NDRG3: variants seen among roughly 807,000 people sequenced by gnomAD.
The protein encoded by NDRG3 is NDRG family member 3.
In NDRG3, 23 loss-of-function variants were observed where a neutral mutation model predicts 57.2. That is an observed-to-expected ratio of 0.40 (90% CI 0.29 to 0.57). The LOEUF (loss-of-function observed/expected upper bound fraction) is 0.57, where lower values mean the gene tolerates loss of function less well. Ranked by LOEUF, NDRG3 falls within the 20% of genes least tolerant of loss-of-function variation. The pLI is 0.42. For synonymous variants in NDRG3, 132 were observed against 162.6 expected (o/e 0.81, Z 1.43); for missense variants, 384 against 457.3 (o/e 0.84, Z 1.46).
intron 3 of NDRG3, among the ~76,000 whole-genome samples, chr20:36,695,263 G>A (rs998922261): frequency 4.6e-5 from 7 of 152,088 alleles, no homozygotes; most frequent in Non-Finnish European, 2.9e-5. Flanking sequence ...TGATGATTGC[G>A]TTAACTGCAC....
chr20:36,682,627 G>A, intron 6 of NDRG3, 49 bp from the exon 7 acceptor site: 1 of 1,483,974 alleles, frequency 6.7e-7, no homozygotes, highest in Non-Finnish European at 9.4e-7. Flanking sequence ...TCATTTGCAG[G>A]CAGCATTGCA....
At position 36,671,358 on chromosome 20, in the gene NDRG3, C is replaced by G; in HGVS notation, c.571G>C (p.Ala191Pro). The G allele has an allele frequency of 6.2e-7, 1 of 1,613,716 alleles. No homozygotes were observed. The highest frequency in any genetic ancestry group is 8.5e-7 in the Non-Finnish European group (1 of 1,179,764). Reference protein sequence around the residue: ...LTTNVVDIILAHHFGQEELQA... With the variant: ...LTTNVVDIILPHHFGQEELQA... Reference sequence around the variant, plus strand: ...GTACTTACCTGCCCAAAGTGATGAGCCAAAATAATGTCCACAACATTGGTT... The same window carrying G: ...GTACTTACCTGCCCAAAGTGATGAGGCAAAATAATGTCCACAACATTGGTT... Residue 191 changes from alanine to proline, a missense_variant, in exon 9 of 16, where the codon GCT (alanine) becomes CCT (proline). By Grantham distance (27) the Ala-to-Pro change is conservative. Coordinates refer to ENST00000349004, the MANE Select transcript of NDRG3 (RefSeq NM_032013.4).
At chr20:36,681,980 G>A (rs1245250262) in intron 7 of NDRG3, among the ~76,000 whole-genome samples, 1 of 152,138 alleles carries the variant, frequency 6.6e-6, no homozygotes. Context: ...TCACAGGCGT[G>A]AGCCACCGTG....
chr20:36,697,971 T>C (rs1982944967), intron 3 of NDRG3, among the ~76,000 whole-genome samples: 1 of 145,730 alleles, frequency 6.9e-6, no homozygotes, highest in Admixed American at 6.8e-5. Flanking sequence ...TTCTTTTTTT[T>C]TTTTTTTTTT....
chr20:36,654,716 T>C (rs775268264), intron 15 of NDRG3: 11 of 771,662 alleles, frequency 1.4e-5, no homozygotes, highest in Non-Finnish European at 2.4e-5. Flanking sequence ...TCTCACTGCA[T>C]AGGAAGACCG....
At chr20:36,699,212 C>T (rs543890216) in intron 3 of NDRG3, among the ~76,000 whole-genome samples, 168 of 152,158 alleles carry the variant, frequency 1.1e-3, no homozygotes, top group Non-Finnish European at 1.7e-3. Context: ...CCACCCAAAG[C>T]GCTACTACAG....
chr20:36,707,222 C>T (rs1252894005), intron 2 of NDRG3, among the ~76,000 whole-genome samples: 1 of 152,136 alleles, frequency 6.6e-6, no homozygotes, highest in Non-Finnish European at 1.5e-5. Flanking sequence ...CTTTAGTGGG[C>T]TTATGAGAAG....
chr20:36,741,286 G>A (rs938084078), intron 1 of NDRG3, among the ~76,000 whole-genome samples: 12 of 152,090 alleles, frequency 7.9e-5, no homozygotes, highest in African/African-American at 2.9e-4. Context: ...GTGATACCAA[G>A]TAAAGCTGCT....
intron 15 of NDRG3, chr20:36,654,941 G>A: frequency 1.3e-6 from 1 of 743,738 alleles, no homozygotes; most frequent in Non-Finnish European, 2.5e-6. Context: ...CTCTAAGCCA[G>A]GGATAAAATT....
chr20:36,685,672 G>A (rs1227823357), intron 5 of NDRG3, among the ~76,000 whole-genome samples: 3 of 152,098 alleles, frequency 2.0e-5, no homozygotes, highest in Non-Finnish European at 2.9e-5. Flanking sequence ...TAAGATGTTC[G>A]AGCAGGCCCA....
chr20:36,652,962 C>G lies in NDRG3; in HGVS notation c.*558G>C, dbSNP rs1978341340. On this transcript the variant is annotated 3_prime_UTR_variant, in exon 16 of 16. Transcript: ENST00000349004. Reference sequence around the variant, plus strand: ...TGGTCCAGACGGCAATTATGATTTTCCACATTCCTCAAAGCTGCTCTCTCC... The same window carrying G: ...TGGTCCAGACGGCAATTATGATTTTGCACATTCCTCAAAGCTGCTCTCTCC... The G allele has an allele frequency of 6.6e-6, 1 of 152,488 alleles. No homozygotes were observed. Among genetic ancestry groups the G allele is most frequent in the Admixed American group, 6.5e-5 (1 of 15,270 alleles). 9.4% of individuals were successfully genotyped at this position (152,488 alleles called of 1,614,324 possible). A position where few individuals can be genotyped will look rare whatever the true frequency, so the allele number is the denominator to read the frequency against.
intron 8 of NDRG3, among the ~76,000 whole-genome samples, chr20:36,673,295 G>A (rs768717361): frequency 1.3e-5 from 2 of 152,114 alleles, no homozygotes; most frequent in African/African-American, 2.4e-5. Flanking sequence ...ATGGATAAAT[G>A]ATTTAGAATC....
chr20:36,679,729 C>T lies in NDRG3; in HGVS notation c.531+1087G>A, dbSNP rs190213758. On this transcript the variant is annotated intron_variant, in intron 8 of 15. Coordinates refer to ENST00000349004, the MANE Select transcript of NDRG3 (RefSeq NM_032013.4). ...ATGTTGGCCAGGCTGGTCTTGAACT[C>T]CTGACCTCAGGTGATCTGCCCACCT... 3.9e-3 allele frequency among the ~76,000 whole-genome samples: 592 copies of T among 151,926 alleles called. 7 individuals are homozygous for T. Among genetic ancestry groups the T allele is most frequent in the African/African-American group, 0.013 (546 of 41,424 alleles).
chr20:36,706,668 T>C, intron 3 of NDRG3, among the ~76,000 whole-genome samples: 1 of 152,148 alleles, frequency 6.6e-6, no homozygotes, highest in East Asian at 1.9e-4. Flanking sequence ...CACGCTTGGC[T>C]AATTTTTGTA....
chr20:36,665,008 T>G, intron 12 of NDRG3, 38 bp downstream of exon 12: 1 of 1,601,622 alleles, frequency 6.2e-7, no homozygotes, highest in Non-Finnish European at 8.6e-7. Context: ...TATTACATTT[T>G]GATCTCATTC....
At chr20:36,713,578 A>G (rs1004538375) in intron 2 of NDRG3, among the ~76,000 whole-genome samples, 1 of 152,212 alleles carries the variant, frequency 6.6e-6, no homozygotes, top group Non-Finnish European at 1.5e-5. Flanking sequence ...AATGTAAAGA[A>G]AGATGAGATA....
intron 13 of NDRG3, among the ~76,000 whole-genome samples, chr20:36,657,208 C>T (rs534486003): frequency 1.1e-4 from 16 of 152,146 alleles, no homozygotes; most frequent in Admixed American, 7.2e-4. Flanking sequence ...CATTTCTGGC[C>T]GCGCGCAGTG....
At chr20:36,727,464 C>A (rs1342421528) in intron 1 of NDRG3, among the ~76,000 whole-genome samples, 2 of 152,158 alleles carry the variant, frequency 1.3e-5, no homozygotes, top group Non-Finnish European at 1.5e-5. Context: ...AGGTAATCCG[C>A]CTGCTTTGGC....
At chr20:36,735,901 G>A (rs548783295) in intron 1 of NDRG3, among the ~76,000 whole-genome samples, 4 of 151,640 alleles carry the variant, frequency 2.6e-5, no homozygotes, top group East Asian at 1.9e-4. Flanking sequence ...TTGAACCCAG[G>A]GGGTGGAGGT....
Sources: allele counts gnomAD v4.1 joint callset (sites outside exome capture counted in the v4.1 genomes callset), GRCh38; gene constraint gnomAD v4.1.1; transcripts MANE v1.5; gene names NCBI Gene and HGNC (gene_info 2026-07-23, HGNC 2026-07-21).